Variants in COL11A1 observed in about 807,000 individuals in gnomAD.
COL11A1 encodes the protein collagen type XI alpha 1 chain, also known as collagen alpha-1(XI) chain.
In COL11A1, 74 loss-of-function variants were observed where a neutral mutation model predicts 265.2. The ratio of observed to expected loss-of-function variants is 0.28; its 90% CI spans 0.23 to 0.34. The LOEUF is 0.34. COL11A1 is among the 10% of genes least tolerant of loss of function. The pLI, the probability that COL11A1 is intolerant of heterozygous loss-of-function variation, is 1.00. For missense variants in COL11A1, 2,165 were observed against 2,263.6 expected (o/e 0.96, Z 0.88); for synonymous variants, 816 against 727.6 (o/e 1.12, Z -1.96).
intron 28 of COL11A1, among the ~76,000 whole-genome samples, chr1:102,992,232 G>A (rs993514988): frequency 2.6e-5 from 4 of 151,998 alleles, no homozygotes; most frequent in African/African-American, 9.7e-5. Context: ...TTTTTAGCAA[G>A]TGACGTATCA....
At chr1:102,889,878 A>G (rs1176143515) in intron 58 of COL11A1, among the ~76,000 whole-genome samples, 2 of 151,842 alleles carry the variant, frequency 1.3e-5, no homozygotes, top group Non-Finnish European at 1.5e-5. Context: ...CTCCTATAAT[A>G]TAAGTTGAAT....
chr1:102,987,767 A>G (rs753386874), intron 29 of COL11A1, 27 bp from the exon 30 acceptor site: 131 of 1,540,992 alleles, frequency 8.5e-5, no homozygotes, highest in Non-Finnish European at 1.1e-4. Context: ...CAACATTCTT[A>G]TGAGTGAAAC....
chr1:102,981,470 A>C (rs1366359830), intron 31 of COL11A1, among the ~76,000 whole-genome samples: 5 of 152,084 alleles, frequency 3.3e-5, no homozygotes, highest in Non-Finnish European at 7.4e-5. Context: ...TCATTTAAGC[A>C]AAGAGATATT....
intron 49 of COL11A1, among the ~76,000 whole-genome samples, chr1:102,917,847 CT>C (rs1299037935): frequency 6.6e-6 from 1 of 151,428 alleles, no homozygotes; most frequent in Non-Finnish European, 1.5e-5. Context: ...AAAGTATGAG[CT>C]TTTTACTACA....
intron 14 of COL11A1, among the ~76,000 whole-genome samples, chr1:103,009,306 C>T (rs1665912248): frequency 6.6e-6 from 1 of 152,064 alleles, no homozygotes; most frequent in African/African-American, 2.4e-5. Flanking sequence ...CCCAGCTACT[C>T]AGGAGGCTGA....
At chr1:102,996,403 A>G (rs1664635201) in intron 26 of COL11A1, among the ~76,000 whole-genome samples, 1 of 151,982 alleles carries the variant, frequency 6.6e-6, no homozygotes, top group South Asian at 2.1e-4. Context: ...ACAGTTATTG[A>G]AAAACTAACA....
chr1:102,973,978 A>G (rs1326011025), intron 36 of COL11A1, among the ~76,000 whole-genome samples: 1 of 152,194 alleles, frequency 6.6e-6, no homozygotes, highest in Non-Finnish European at 1.5e-5. Context: ...TTTAACATGC[A>G]TCAGAACTGT....
intron 4 of COL11A1, among the ~76,000 whole-genome samples, chr1:103,069,171 T>A (rs538165115): frequency 6.6e-6 from 1 of 151,574 alleles, no homozygotes. Flanking sequence ...AAATGTTTTC[T>A]AAAACTACAG....
At chr1:103,053,851 G>T (rs1670022680) in intron 4 of COL11A1, among the ~76,000 whole-genome samples, 1 of 152,138 alleles carries the variant, frequency 6.6e-6, no homozygotes, top group Non-Finnish European at 1.5e-5. Context: ...ACTGCTAAAA[G>T]ATACTATCAT....
At chr1:102,917,853 A>G (rs1358761269) in intron 49 of COL11A1, among the ~76,000 whole-genome samples, 1 of 151,794 alleles carries the variant, frequency 6.6e-6, no homozygotes. Context: ...TGAGCTTTTT[A>G]CTACAAAGTT....
intron 57 of COL11A1, among the ~76,000 whole-genome samples, chr1:102,891,338 T>A (rs1651751294): frequency 6.6e-6 from 1 of 152,096 alleles, no homozygotes. Flanking sequence ...CAGCTGTAAT[T>A]TCTAAATTGC....
intron 46 of COL11A1, among the ~76,000 whole-genome samples, chr1:102,928,955 A>C (rs1657008151): frequency 1.6e-5 from 1 of 61,684 alleles, no homozygotes; most frequent in Non-Finnish European, 4.8e-5. Flanking sequence ...TTTTTCTTGT[A>C]AATTTGTTTG....
At chr1:102,881,883 C>T in intron 64 of COL11A1, 118 bp from the exon 65 acceptor site, 4 of 777,864 alleles carry the variant, frequency 5.1e-6, no homozygotes, top group East Asian at 2.8e-5. Context: ...TGCTTAAAAT[C>T]GTTTTAAAAT....
intron 49 of COL11A1, among the ~76,000 whole-genome samples, chr1:102,917,930 T>A (rs1655536769): frequency 6.6e-6 from 1 of 151,670 alleles, no homozygotes; most frequent in Non-Finnish European, 1.5e-5. Flanking sequence ...TTTAGTATGT[T>A]AGATCCAAGT....
chr1:102,892,159 A>G (rs1206923757), intron 57 of COL11A1, among the ~76,000 whole-genome samples: 1 of 152,168 alleles, frequency 6.6e-6, no homozygotes, highest in Non-Finnish European at 1.5e-5. Context: ...AACTGTTCAT[A>G]TGGTTTCTCT....
chr1:102,928,804 G>T (rs9434371), intron 46 of COL11A1, among the ~76,000 whole-genome samples: 1 of 142,428 alleles, frequency 7.0e-6, no homozygotes, highest in Non-Finnish European at 1.5e-5. Context: ...GTGTGAGATG[G>T]TATCTCATTG....
intron 41 of COL11A1, among the ~76,000 whole-genome samples, chr1:102,953,205 T>C (rs74110526): frequency 0.085 from 12,953 of 152,250 alleles, 653 homozygotes; most frequent in African/African-American, 0.14. Context: ...TAAGCATAGG[T>C]AAAATAGATA....
At chr1:102,897,747 T>A (rs1303358890) in intron 57 of COL11A1, among the ~76,000 whole-genome samples, 1 of 152,156 alleles carries the variant, frequency 6.6e-6, no homozygotes, top group Non-Finnish European at 1.5e-5. Context: ...ATTTGTTTCG[T>A]CAAAGAATCA....
intron 41 of COL11A1, among the ~76,000 whole-genome samples, chr1:102,960,470 G>T (rs981812800): frequency 1.4e-5 from 1 of 73,304 alleles, no homozygotes; most frequent in Non-Finnish European, 3.4e-5. Flanking sequence ...TATAATAAAG[G>T]TCACTGGGTG....
Sources: allele counts gnomAD v4.1 joint callset (sites outside exome capture counted in the v4.1 genomes callset), GRCh38; gene constraint gnomAD v4.1.1; transcripts MANE v1.5; gene names NCBI Gene and HGNC (gene_info 2026-07-23, HGNC 2026-07-21).